The following MAP2K5 variants were observed in gnomAD, a reference collection of about 807,000 sequenced individuals.
MAP2K5 encodes dual specificity mitogen-activated protein kinase kinase 5.
A neutral mutation model predicts 83.1 loss-of-function variants in MAP2K5; 49 were observed. The observed-to-expected ratio is 0.59, with a 90% confidence interval of 0.47 to 0.75. The LOEUF is 0.75. Among genes scored for constraint, MAP2K5 ranks in the 30% least tolerant of loss-of-function variants. MAP2K5 has a pLI of 0.00. For missense variants in MAP2K5, 457 were observed against 557.5 expected (o/e 0.82, Z 1.82); for synonymous variants, 202 against 191.8 (o/e 1.05, Z -0.44).
intron 13 of MAP2K5, among the ~76,000 whole-genome samples, chr15:67,692,048 C>T (rs1596804239): frequency 6.6e-6 from 1 of 152,188 alleles, no homozygotes; most frequent in African/African-American, 2.4e-5. Context: ...TGTTGCCTCC[C>T]TTTGGCATTA....
rs773296021 is a variant in MAP2K5, at chr15:67,724,921, G to A, written c.1045-2995G>A. Among the ~76,000 whole-genome samples, 44 of 152,164 alleles carry A rather than the reference G, an allele frequency of 2.9e-4. No individual in the cohort carries two copies. Among genetic ancestry groups the A allele is most frequent in the African/African-American group, 8.9e-4 (37 of 41,430 alleles). ...ATTGTCATCATGCTGCAATTGCAGC[G>A]GTACCTACTAGTTAAGATCAAAGAA... On this transcript the variant is annotated intron_variant, in intron 16 of 21. Transcript: ENST00000178640. This position sits in a 1 kb window ranked among gnomAD's most constrained non-coding sequence, Gnocchi z 4.4.
Position 67,573,404 on chromosome 15 carries a change from G to T in MAP2K5, c.253-7350G>T, listed in dbSNP as rs372557141. Among the ~76,000 whole-genome samples, 5 of 152,172 alleles carry T rather than the reference G, an allele frequency of 3.3e-5. No individual in the cohort carries two copies. The highest frequency in any genetic ancestry group is 1.2e-4 in the African/African-American group (5 of 41,428). On this transcript the variant is annotated intron_variant, in intron 3 of 21. Coordinates refer to ENST00000178640, the MANE Select transcript of MAP2K5 (RefSeq NM_145160.3). The surrounding 1 kb of genome is among the most constrained non-coding windows in gnomAD (Gnocchi z 4.2). ...GGCAGGAGAGACAGTTGGGTAGAGG[G>T]TGGGGCGGGAGTTGCCACACACTTT...
At position 67,636,179 on chromosome 15, in the gene MAP2K5, G is replaced by A. The variant is rs1277737428; in HGVS notation, c.585+5252G>A. ...TGTAATCCCAGCACTTTGAAAGGCT[G>A]AGGTGGGCGGATCATGAGGTCAGGA... On this transcript the variant is annotated intron_variant, in intron 9 of 21. Transcript: ENST00000178640. This position sits in a 1 kb window ranked among gnomAD's most constrained non-coding sequence, Gnocchi z 4.7. Among the ~76,000 whole-genome samples the A allele has an allele frequency of 6.6e-6, 1 of 152,178 alleles. No homozygotes were observed. The highest frequency in any genetic ancestry group is 2.4e-5 in the African/African-American group (1 of 41,448).
intron 9 of MAP2K5, among the ~76,000 whole-genome samples, chr15:67,632,503 G>C (rs1232728016): frequency 2.0e-5 from 3 of 152,202 alleles, no homozygotes. Context: ...AATTGTCAAA[G>C]ATCACAGAGT....
Position 67,640,291 on chromosome 15 carries a change from G to A in MAP2K5, c.586-5940G>A, listed in dbSNP as rs1320365318. On this transcript the variant is annotated intron_variant, in intron 9 of 21. Coordinates refer to ENST00000178640, the MANE Select transcript of MAP2K5 (RefSeq NM_145160.3). The surrounding 1 kb of genome is among the most constrained non-coding windows in gnomAD (Gnocchi z 4.6). ...TTTTAAAGTAACATCTTGAAAGCAG[G>A]TTCAGCTCACATACAAAATATCTCA... Among the ~76,000 whole-genome samples the A allele has an allele frequency of 6.6e-6, 1 of 152,118 alleles. No individual in the cohort carries two copies. Among genetic ancestry groups the A allele is most frequent in the Non-Finnish European group, 1.5e-5 (1 of 68,016 alleles).
intron 8 of MAP2K5, chr15:67,628,274 A>C: frequency 1.8e-6 from 1 of 545,360 alleles, no homozygotes; most frequent in African/African-American, 1.9e-5. Context: ...GAGGTCAGGG[A>C]TTTGAGACCA....
chr15:67,560,669 G>A (rs1049309122), intron 2 of MAP2K5, among the ~76,000 whole-genome samples: 3 of 152,194 alleles, frequency 2.0e-5, no homozygotes, highest in Admixed American at 1.3e-4. Flanking sequence ...AAATGCTCTT[G>A]TAATGTTTCA....
chr15:67,589,164 A>G (rs1232267423), intron 6 of MAP2K5, among the ~76,000 whole-genome samples: 4 of 152,134 alleles, frequency 2.6e-5, no homozygotes, highest in Non-Finnish European at 5.9e-5. Flanking sequence ...TTTAAAAGTG[A>G]TTTTTGGATA....
chr15:67,596,469 G>A lies in MAP2K5; in HGVS notation c.480+3495G>A, dbSNP rs116456926. Among the ~76,000 whole-genome samples, 593 of 152,284 alleles carry A rather than the reference G, an allele frequency of 3.9e-3. 3 individuals are homozygous for A. Among genetic ancestry groups the A allele is most frequent in the African/African-American group, 0.012 (489 of 41,564 alleles). The stretch of plus-strand genomic sequence containing the variant: ...TTTTGTATATAGAAAAAAAAGGGAG[G>A]GGGAATATATATCTACTGTAAAATT... On this transcript the variant is annotated intron_variant, in intron 7 of 21. Transcript: ENST00000178640.
At chr15:67,645,676 C>T (rs1198141463) in intron 9 of MAP2K5, among the ~76,000 whole-genome samples, 1 of 151,722 alleles carries the variant, frequency 6.6e-6, no homozygotes. Context: ...ACCTCAGCCT[C>T]CCAAGTAGAT....
rs764468622 is a variant in MAP2K5, at chr15:67,727,905, T to C, written c.1045-11T>C. 2.0e-5 allele frequency: 32 copies of C among 1,607,878 alleles called. No individual in the cohort carries two copies. The highest frequency in any genetic ancestry group is 3.4e-6 in the Non-Finnish European group (4 of 1,174,490). The stretch of plus-strand genomic sequence containing the variant: ...AATCTATAACTAGACAAATATTATT[T>C]CCTTTCCCAGCTTGCTCTTGGGAGG... On this transcript the variant is annotated splice_polypyrimidine_tract_variant and intron_variant, in intron 16 of 21. Transcript: ENST00000178640.
chr15:67,691,789 C>G (rs969916239), intron 13 of MAP2K5, among the ~76,000 whole-genome samples: 3 of 152,152 alleles, frequency 2.0e-5, no homozygotes, highest in African/African-American at 7.2e-5. Context: ...TTGGTGAAAT[C>G]TATGTCAATT....
chr15:67,569,027 A>C lies in MAP2K5; in HGVS notation c.252+5677A>C, dbSNP rs932332110. ...TCTCAAAAAAAAAAAAAACAAAAAA[A>C]AAAAACAAAACTCTGTGGGCGTCTG... On this transcript the variant is annotated intron_variant, in intron 3 of 21. Transcript: ENST00000178640. Among the ~76,000 whole-genome samples the C allele has an allele frequency of 7.2e-5, 11 of 151,854 alleles. No individual in the cohort carries two copies. The South Asian group carries it at 2.1e-3, about 29-fold the overall frequency.
intron 20 of MAP2K5, among the ~76,000 whole-genome samples, chr15:67,771,777 G>A (rs574079038): frequency 3.9e-5 from 6 of 152,302 alleles, no homozygotes; most frequent in Non-Finnish European, 8.8e-5. Context: ...AGTATTGTCA[G>A]CAAATGCAGA....
intron 13 of MAP2K5, among the ~76,000 whole-genome samples, chr15:67,675,515 T>C (rs907429809): frequency 2.6e-5 from 4 of 152,188 alleles, no homozygotes; most frequent in African/African-American, 9.7e-5. Flanking sequence ...GTTCTCCATC[T>C]TGACTATCAG....
At chr15:67,773,231 G>A (rs1002028591) in intron 21 of MAP2K5, among the ~76,000 whole-genome samples, 11 of 152,202 alleles carry the variant, frequency 7.2e-5, no homozygotes, top group Admixed American at 2.6e-4. Flanking sequence ...ACAAGGCTGC[G>A]AGTGCTGTGT....
intron 9 of MAP2K5, 101 bp from the exon 10 acceptor site, chr15:67,646,130 A>C: frequency 1.8e-6 from 1 of 554,008 alleles, no homozygotes. Flanking sequence ...GGAGGTGGGG[A>C]AGAATAAAGG....
At chr15:67,651,743 TTATC>T (rs2086960652) in intron 11 of MAP2K5, among the ~76,000 whole-genome samples, 1 of 152,208 alleles carries the variant, frequency 6.6e-6, no homozygotes, top group African/African-American at 2.4e-5. Context: ...CACATTTTCT[TTATC>T]TTTATTTTTT....
intron 19 of MAP2K5, among the ~76,000 whole-genome samples, chr15:67,754,211 T>C (rs1173637736): frequency 6.6e-6 from 1 of 152,242 alleles, no homozygotes; most frequent in African/African-American, 2.4e-5. Flanking sequence ...ATTTTGGAAC[T>C]GGTTTGTTAC....
Sources: gnomAD v4.1 joint callset for allele counts (sites outside exome capture counted in the v4.1 genomes callset) on GRCh38, gnomAD v4.1.1 for gene constraint, Gnocchi (gnomAD v3.1) non-coding constraint, MANE v1.5 for transcripts, NCBI Gene and HGNC (gene_info 2026-07-23, HGNC 2026-07-21) for gene names.